ROBO2: variants seen among roughly 807,000 people sequenced by gnomAD.
ROBO2 encodes the protein roundabout guidance receptor 2, also known as roundabout homolog 2.
Under a neutral mutation model 160.8 loss-of-function variants are expected in ROBO2, and 53 were observed. The observed-to-expected ratio is 0.33, with a 90% confidence interval of 0.26 to 0.41. The LOEUF (loss-of-function observed/expected upper bound fraction) is 0.41. Ranked by LOEUF, ROBO2 falls within the 10% of genes least tolerant of loss-of-function variation. The pLI, the probability that ROBO2 is intolerant of heterozygous loss-of-function variation, is 1.00. For synonymous variants in ROBO2, 664 were observed against 611.7 expected (o/e 1.09, Z -1.26); for missense variants, 1,577 against 1,722.4 (o/e 0.92, Z 1.49).
intron 2 of ROBO2, among the ~76,000 whole-genome samples, chr3:77,279,620 G>C (rs1008131162): frequency 2.6e-5 from 4 of 151,902 alleles, no homozygotes; most frequent in Non-Finnish European, 2.9e-5. Flanking sequence ...TGTAAATAAG[G>C]CATCATGAAT....
intron 2 of ROBO2, among the ~76,000 whole-genome samples, chr3:75,953,280 CT>C (rs1948614559): frequency 2.0e-5 from 3 of 151,920 alleles, no homozygotes; most frequent in African/African-American, 7.2e-5. Context: ...TATTATCAGA[CT>C]TTTGGATATT....
At chr3:76,327,558 A>G (rs1446710013) in intron 2 of ROBO2, among the ~76,000 whole-genome samples, 3 of 152,208 alleles carry the variant, frequency 2.0e-5, no homozygotes, top group African/African-American at 7.2e-5. Context: ...AGTATTTAAT[A>G]AGAATCTTTC....
At chr3:76,544,616 A>G (rs1042877302) in intron 2 of ROBO2, among the ~76,000 whole-genome samples, 1 of 151,988 alleles carries the variant, frequency 6.6e-6, no homozygotes, top group Non-Finnish European at 1.5e-5. Flanking sequence ...TTCTGTCCAC[A>G]TAGTTGTTGG....
intron 2 of ROBO2, among the ~76,000 whole-genome samples, chr3:76,489,663 T>C (rs1444096732): frequency 6.6e-6 from 1 of 152,196 alleles, no homozygotes; most frequent in Non-Finnish European, 1.5e-5. Flanking sequence ...ATTTGAGTTA[T>C]TGTTACTTTG....
At chr3:76,068,223 G>A (rs1218752915) in intron 2 of ROBO2, among the ~76,000 whole-genome samples, 1 of 152,172 alleles carries the variant, frequency 6.6e-6, no homozygotes. Context: ...GGGAGGGTAA[G>A]GAGCTCTGTC....
In ROBO2 at chr3:77,493,288, G is replaced by A. The variant is rs781112706; in HGVS notation, c.712G>A (p.Glu238Lys). Residue 238 changes from glutamate to lysine, a missense_variant, in exon 5 of 26, where the codon GAG (glutamate) becomes AAG (lysine). Around this residue, in one of 2 missense-constraint regions of ROBO2, gnomAD observed 940 missense variants for 1,135.5 expected, o/e 0.83. Coordinates refer to ENST00000461745, the Ensembl canonical transcript of ROBO2. ...GAGGCCAATTAACCAGGTGGTACTGGAGGAAGAAGCTGTAGAATTTCGTTG... is the reference window on the plus strand; with the variant it reads ...GAGGCCAATTAACCAGGTGGTACTGAAGGAAGAAGCTGTAGAATTTCGTTG... 20 of 1,613,870 alleles carry A rather than the reference G, an allele frequency of 1.2e-5. No individual in the cohort carries two copies. The highest frequency in any genetic ancestry group is 1.7e-5 in the Non-Finnish European group (20 of 1,179,992).
At chr3:76,460,996 T>TA (rs2078056908) in intron 2 of ROBO2, among the ~76,000 whole-genome samples, 1 of 152,168 alleles carries the variant, frequency 6.6e-6, no homozygotes, top group South Asian at 2.1e-4. Flanking sequence ...TAAGTCAGAA[T>TA]ACCACTGTAT....
intron 2 of ROBO2, among the ~76,000 whole-genome samples, chr3:76,687,425 G>A (rs2092708821): frequency 6.6e-6 from 1 of 151,832 alleles, no homozygotes; most frequent in African/African-American, 2.4e-5. Flanking sequence ...TTTTCATTTG[G>A]CAGCTCCAGC....
At chr3:77,641,222 G>A (rs935549512) in intron 24 of ROBO2, among the ~76,000 whole-genome samples, 5 of 152,102 alleles carry the variant, frequency 3.3e-5, no homozygotes, top group South Asian at 2.1e-4. Context: ...TTTATCCTCC[G>A]AAACAGAGAC....
chr3:75,964,182 A>G (rs150337793), intron 2 of ROBO2, among the ~76,000 whole-genome samples: 34 of 151,798 alleles, frequency 2.2e-4, no homozygotes, highest in Non-Finnish European at 3.5e-4. Flanking sequence ...TTTAACGTAT[A>G]AGAGATGTAG....
chr3:76,610,535 G>A (rs1196186567), intron 2 of ROBO2, among the ~76,000 whole-genome samples: 1 of 152,154 alleles, frequency 6.6e-6, no homozygotes, highest in African/African-American at 2.4e-5. Context: ...ACTCTTGCTC[G>A]GAAAGTCCCA....
rs553386465 is a variant in ROBO2 at position 76,336,222 on chromosome 3, T to C, written c.109+398620T>C. Among the ~76,000 whole-genome samples the C allele has an allele frequency of 9.7e-3, 919 of 94,514 alleles. 10 individuals are homozygous for C. The highest frequency in any genetic ancestry group is 0.024 in the African/African-American group (876 of 35,836). The allele number at this position is 94,514 out of a possible 152,430, so 62.0% of individuals were successfully genotyped here. On this transcript the variant is annotated intron_variant, in intron 2 of 26. Transcript: ENST00000487694. ...ATAACTTGAGATCACTGTATGTACGTAGCAAGAAGAAAAAAAGGAAAAGAA... is the reference window on the plus strand; with the variant it reads ...ATAACTTGAGATCACTGTATGTACGCAGCAAGAAGAAAAAAAGGAAAAGAA...
At chr3:77,133,937 A>G (rs943751615) in intron 2 of ROBO2, among the ~76,000 whole-genome samples, 6 of 152,206 alleles carry the variant, frequency 3.9e-5, no homozygotes, top group Non-Finnish European at 7.3e-5. Context: ...ACTGAAGTTT[A>G]TTCTGTTTTA....
intron 2 of ROBO2, among the ~76,000 whole-genome samples, chr3:76,737,462 T>C (rs968179973): frequency 1.3e-5 from 2 of 152,164 alleles, no homozygotes; most frequent in African/African-American, 4.8e-5. Context: ...AAACAAATAA[T>C]TCAAAATTTT....
At chr3:76,267,199 T>C (rs1707151117) in intron 2 of ROBO2, among the ~76,000 whole-genome samples, 1 of 152,170 alleles carries the variant, frequency 6.6e-6, no homozygotes, top group Non-Finnish European at 1.5e-5. Flanking sequence ...GCCCTATTAG[T>C]CAAACCATCT....
intron 5 of ROBO2, 21 bp from the exon 6 acceptor site, chr3:77,522,754 A>G (rs1561067771): frequency 1.2e-6 from 2 of 1,605,404 alleles, no homozygotes; most frequent in Non-Finnish European, 1.7e-6. Flanking sequence ...ATTTAATAAA[A>G]CCAGTTCATT....
intron 2 of ROBO2, among the ~76,000 whole-genome samples, chr3:76,820,617 T>A (rs1263802324): frequency 6.6e-6 from 1 of 152,016 alleles, no homozygotes; most frequent in Non-Finnish European, 1.5e-5. Context: ...TAGTAATGGC[T>A]TGTCTTGAAT....
At chr3:76,545,350 A>G (rs1329002636) in intron 2 of ROBO2, among the ~76,000 whole-genome samples, 1 of 152,014 alleles carries the variant, frequency 6.6e-6, no homozygotes, top group Non-Finnish European at 1.5e-5. Flanking sequence ...TTAACATTGC[A>G]TACCTACTGT....
At chr3:75,952,598 A>G (rs1042964993) in intron 2 of ROBO2, among the ~76,000 whole-genome samples, 20 of 151,992 alleles carry the variant, frequency 1.3e-4, no homozygotes, top group African/African-American at 4.3e-4. Context: ...ATAGTGTGGT[A>G]CATTTGTTAT....
Sources: gnomAD v4.1 joint callset for allele counts (sites outside exome capture counted in the v4.1 genomes callset) on GRCh38, gnomAD v4.1.1 for gene constraint, gnomAD v4.1.1 regional missense constraint, MANE v1.5 for transcripts, NCBI Gene and HGNC (gene_info 2026-07-23, HGNC 2026-07-21) for gene names.